Variants in PCSK5 observed in about 807,000 individuals in gnomAD.
PCSK5 encodes the protein prohormone convertase 5.
A neutral mutation model predicts 233.2 loss-of-function variants in PCSK5; 129 were observed. That is an observed-to-expected ratio of 0.55 (90% CI 0.48 to 0.64). The LOEUF (loss-of-function observed/expected upper bound fraction) is 0.64. PCSK5 is among the 30% of genes least tolerant of loss of function. PCSK5 has a pLI of 0.00. For missense variants in PCSK5, 2,076 were observed against 2,430.1 expected (o/e 0.85, Z 3.06); for synonymous variants, 825 against 879.2 (o/e 0.94, Z 1.09).
intron 12 of PCSK5, among the ~76,000 whole-genome samples, chr9:76,168,154 ATG>A (rs1265079348): frequency 6.6e-6 from 1 of 151,944 alleles, no homozygotes; most frequent in African/African-American, 2.4e-5. Context: ...TGCATAAGTG[ATG>A]TGTTTATTTA....
At chr9:76,117,688 T>A (rs114200252) in intron 9 of PCSK5, among the ~76,000 whole-genome samples, 1,946 of 152,264 alleles carry the variant, frequency 0.013, 38 homozygotes, top group African/African-American at 0.044. Context: ...AACCTGCCTG[T>A]ATATGATTGA....
intron 30 of PCSK5, among the ~76,000 whole-genome samples, chr9:76,319,655 A>C (rs1475995346): frequency 1.3e-5 from 2 of 151,980 alleles, no homozygotes; most frequent in African/African-American, 4.8e-5. Context: ...TTCTTGAGGG[A>C]GTCAGGGAAC....
At chr9:76,189,835 T>C in intron 20 of PCSK5, 89 bp downstream of exon 20, 1 of 698,990 alleles carries the variant, frequency 1.4e-6, no homozygotes, top group Non-Finnish European at 2.5e-6. Context: ...AAAAAGAAAC[T>C]CACAGCATGC....
At chr9:76,206,633 C>T (rs983126967) in intron 20 of PCSK5, among the ~76,000 whole-genome samples, 3 of 152,194 alleles carry the variant, frequency 2.0e-5, no homozygotes, top group Admixed American at 1.3e-4. Context: ...CCTCACAGAG[C>T]GCAAACAAGG....
intron 3 of PCSK5, among the ~76,000 whole-genome samples, chr9:75,993,799 A>C (rs1363390562): frequency 2.0e-5 from 3 of 152,222 alleles, no homozygotes; most frequent in Non-Finnish European, 4.4e-5. Flanking sequence ...GAAAGCACTT[A>C]GTTCCTCTAG....
At chr9:76,333,876 C>T (rs966472314) in intron 34 of PCSK5, among the ~76,000 whole-genome samples, 2 of 152,154 alleles carry the variant, frequency 1.3e-5, no homozygotes, top group African/African-American at 2.4e-5. Flanking sequence ...TAACACATTT[C>T]ATGATGAGTA....
At chr9:75,973,830 T>C (rs1825901870) in intron 2 of PCSK5, among the ~76,000 whole-genome samples, 2 of 152,158 alleles carry the variant, frequency 1.3e-5, no homozygotes, top group Admixed American at 6.5e-5. Flanking sequence ...GGCCCAAATG[T>C]GCCAGGGTGG....
At chr9:76,108,207 A>T (rs1564030648) in intron 9 of PCSK5, among the ~76,000 whole-genome samples, 1 of 152,202 alleles carries the variant, frequency 6.6e-6, no homozygotes, top group Non-Finnish European at 1.5e-5. Context: ...CTCTGAAAAA[A>T]TTTTGAATTC....
intron 20 of PCSK5, among the ~76,000 whole-genome samples, chr9:76,222,767 T>C (rs1825769598): frequency 6.6e-6 from 1 of 152,176 alleles, no homozygotes; most frequent in Non-Finnish European, 1.5e-5. Context: ...CTATAAAACT[T>C]TATGCTTAAC....
At chr9:75,914,960 T>C (rs996437241) in intron 1 of PCSK5, among the ~76,000 whole-genome samples, 4 of 152,188 alleles carry the variant, frequency 2.6e-5, no homozygotes, top group African/African-American at 9.6e-5. Context: ...TTCCACACTT[T>C]GATACGGTAA....
intron 7 of PCSK5, among the ~76,000 whole-genome samples, chr9:76,075,587 G>A (rs1830617357): frequency 6.6e-6 from 1 of 151,968 alleles, no homozygotes; most frequent in African/African-American, 2.4e-5. Context: ...TTGTATTTTT[G>A]TGTCACACAC....
chr9:76,341,913 G>A lies in PCSK5; in HGVS notation c.4966+3466G>A, dbSNP rs73652926. ...TCCCAACATGACTCCTGATTTAAGC[G>A]CTAAGCCTGGATTTTGGCTCTGGTC... On this transcript the variant is annotated intron_variant, in intron 35 of 37. Transcript: ENST00000674117. Among the ~76,000 whole-genome samples the A allele has an allele frequency of 6.2e-3, 943 of 152,272 alleles. 6 individuals carry two copies. The highest frequency in any genetic ancestry group is 0.021 in the African/African-American group (869 of 41,542).
chr9:76,302,222 C>A lies in PCSK5; in HGVS notation c.3604+5C>A, dbSNP rs866036240. The A allele has an allele frequency of 6.1e-6, 8 of 1,303,896 alleles. No individual in the cohort carries two copies. The African/African-American group carries it at 1.2e-4, about 20-fold the overall frequency. 80.8% of individuals were successfully genotyped at this position (1,303,896 alleles called of 1,614,324 possible). A position where few individuals can be genotyped will look rare whatever the true frequency, so the allele number is the denominator to read the frequency against. Reference sequence around the variant, plus strand: ...GGAAAGTTCAAATCAAAAGAGGTAACAGGGAAATAGGGAGGCAACAATCAC... The same window carrying A: ...GGAAAGTTCAAATCAAAAGAGGTAAAAGGGAAATAGGGAGGCAACAATCAC... On this transcript the variant is annotated splice_donor_5th_base_variant and intron_variant, in intron 28 of 37. Transcript: ENST00000674117.
At chr9:75,905,227 G>T (rs143604229) in intron 1 of PCSK5, among the ~76,000 whole-genome samples, 1 of 152,132 alleles carries the variant, frequency 6.6e-6, no homozygotes, top group Non-Finnish European at 1.5e-5. Context: ...ATAGATTGTT[G>T]ACCTGGCTCA....
At position 76,354,153 on chromosome 9, in the gene PCSK5, C is replaced by A. The variant is rs754764548; in HGVS notation, c.5188C>A (p.Leu1730Ile). 1.3e-6 allele frequency: 2 copies of A among 1,594,532 alleles called. No individual in the cohort carries two copies. Among genetic ancestry groups the A allele is most frequent in the African/African-American group, 2.7e-5 (2 of 74,592 alleles). The change falls in exon 37 of 38, where the codon CTC becomes ATC. Residue 1730 changes from leucine (L) to isoleucine (I), a missense_variant. Physicochemically the swap from Leu to Ile is conservative, Grantham distance 5. Transcript: ENST00000674117. ...LVLHMDDSHC[L>I]HCCNTSDPPS... Reference sequence around the variant, plus strand: ...GCTGCACATGGACGACAGCCACTGCCTCCACTGCTGCAACACCTCTGATCC... The same window carrying A: ...GCTGCACATGGACGACAGCCACTGCATCCACTGCTGCAACACCTCTGATCC...
chr9:76,032,066 C>A (rs186216689), intron 5 of PCSK5, among the ~76,000 whole-genome samples: 2 of 152,054 alleles, frequency 1.3e-5, no homozygotes, highest in African/African-American at 4.8e-5. Context: ...TCTTTAATTC[C>A]ATTTTCCCAT....
intron 24 of PCSK5, chr9:76,286,870 C>A: frequency 4.9e-6 from 1 of 206,086 alleles, no homozygotes; most frequent in Non-Finnish European, 9.6e-6. Context: ...CCATTTTACA[C>A]TTAGTCTGCA....
At chr9:76,076,016 G>A (rs1205892289) in intron 7 of PCSK5, among the ~76,000 whole-genome samples, 1 of 152,124 alleles carries the variant, frequency 6.6e-6, no homozygotes, top group Non-Finnish European at 1.5e-5. Flanking sequence ...AAAGTAAAGT[G>A]ATTTCTGCTG....
At chr9:75,893,684 T>C (rs952536923) in intron 1 of PCSK5, among the ~76,000 whole-genome samples, 4 of 152,178 alleles carry the variant, frequency 2.6e-5, no homozygotes, top group African/African-American at 9.7e-5. Flanking sequence ...GGCCTTATAG[T>C]GAAGATTCAT....
Sources: gnomAD v4.1 joint callset for allele counts (sites outside exome capture counted in the v4.1 genomes callset) on GRCh38, gnomAD v4.1.1 for gene constraint, MANE v1.5 for transcripts, NCBI Gene and HGNC (gene_info 2026-07-23, HGNC 2026-07-21) for gene names.